TENM1: variants seen among roughly 807,000 people sequenced by gnomAD.
The protein encoded by TENM1 is teneurin-1.
A neutral mutation model predicts 174.8 loss-of-function variants in TENM1; 35 were observed. The observed-to-expected ratio is 0.20, with a 90% CI of 0.15 to 0.27. TENM1 has a LOEUF of 0.27. TENM1 is among the 10% of genes least tolerant of loss of function. The pLI, the probability that TENM1 is intolerant of heterozygous loss-of-function variation, is 1.00. For synonymous variants in TENM1, 781 were observed against 798.7 expected (o/e 0.98, Z 0.37); for missense variants, 1,633 against 2,130.1 (o/e 0.77, Z 4.59).
chrX:125,046,834 G>A, the TENM1 span, among the ~76,000 whole-genome samples: 8 of 99,647 alleles, frequency 8.0e-5, no homozygotes, highest in African/African-American at 3.3e-4. Context: ...GTGTGTGTGT[G>A]CATGTGTGTG....
chrX:124,785,427 ACT>A (rs751461240), intron 3 of TENM1, among the ~76,000 whole-genome samples: 13 of 111,740 alleles, frequency 1.2e-4, no homozygotes, highest in Non-Finnish European at 2.3e-4. Context: ...CCCATAATGG[ACT>A]ACTCAGAGTT....
chrX:124,526,377 T>G (rs2047976173), intron 16 of TENM1, among the ~76,000 whole-genome samples: 1 of 111,884 alleles, frequency 8.9e-6, no homozygotes, highest in African/African-American at 3.2e-5. Context: ...AATATCAATA[T>G]CTATATCTAT....
chrX:124,380,950 G>A (rs1340748292), exon 32 of TENM1: 13 of 1,211,476 alleles, frequency 1.1e-5, no homozygotes, highest in South Asian at 1.8e-5. Flanking sequence ...CAGTGTTACC[G>A]ATGAGCACCA....
At chrX:124,629,515 T>C (rs1426220138) in intron 11 of TENM1, among the ~76,000 whole-genome samples, 4 of 112,593 alleles carry the variant, frequency 3.6e-5, no homozygotes, top group Admixed American at 9.4e-5. Context: ...ATGCCAACAA[T>C]AGCTACAATC....
the TENM1 span, among the ~76,000 whole-genome samples, chrX:125,102,232 T>A: frequency 3.1e-5 from 2 of 64,446 alleles, no homozygotes; most frequent in Non-Finnish European, 5.1e-5. Context: ...GGGCCACTCC[T>A]TTTTTTTTTT....
chrX:124,625,909 G>A (rs924060717), intron 11 of TENM1, among the ~76,000 whole-genome samples: 1 of 110,991 alleles, frequency 9.0e-6, no homozygotes, highest in Non-Finnish European at 1.9e-5. Context: ...TGGTGGGGAC[G>A]CAGATCCAAC....
the TENM1 span, among the ~76,000 whole-genome samples, chrX:125,117,351 C>T: frequency 8.9e-6 from 1 of 112,334 alleles, no homozygotes; most frequent in Non-Finnish European, 1.9e-5. Context: ...CACATCTACA[C>T]CATGGAATAC....
chrX:124,850,820 A>C lies in TENM1; in HGVS notation c.535+43476T>G, dbSNP rs759949247. Among the ~76,000 whole-genome samples, 8 of 111,450 alleles carry C rather than the reference A, an allele frequency of 7.2e-5. No homozygotes were observed. In the South Asian group the frequency reaches 3.0e-3, roughly 42 times the overall value. On this transcript the variant is annotated intron_variant, in intron 3 of 31. Coordinates refer to ENST00000422452, the Ensembl canonical transcript of TENM1. ...GGATGAATGGATGTTAGGAAATATC[A>C]CTATCAATTGTGATGACTCTTCTAG...
At chrX:124,914,386 T>C (rs929409648) in intron 1 of TENM1, among the ~76,000 whole-genome samples, 4 of 111,482 alleles carry the variant, frequency 3.6e-5, no homozygotes, top group African/African-American at 1.3e-4. Flanking sequence ...AATGGGTCAG[T>C]GACTCTTGTG....
intron 5 of TENM1, among the ~76,000 whole-genome samples, chrX:124,690,186 G>A (rs1376173709): frequency 9.0e-6 from 1 of 110,771 alleles, no homozygotes; most frequent in Non-Finnish European, 1.9e-5. Flanking sequence ...CTCAAATTTG[G>A]CCAAGGGGAA....
At chrX:124,518,838 G>A (rs751850474) in intron 18 of TENM1, among the ~76,000 whole-genome samples, 1 of 111,922 alleles carries the variant, frequency 8.9e-6, no homozygotes, top group African/African-American at 3.3e-5. Flanking sequence ...ACACTCAATA[G>A]AATAGGGATT....
At chrX:124,973,541 G>C in the TENM1 span, among the ~76,000 whole-genome samples, 3 of 111,625 alleles carry the variant, frequency 2.7e-5, no homozygotes, top group Non-Finnish European at 3.8e-5. Context: ...CATGAGCATG[G>C]AATGTTTTTC....
At chrX:124,689,004 T>C (rs2052447973) in intron 5 of TENM1, among the ~76,000 whole-genome samples, 1 of 112,013 alleles carries the variant, frequency 8.9e-6, no homozygotes, top group Admixed American at 9.5e-5. Context: ...ATTGCGTACC[T>C]TAAATATACA....
chrX:125,028,870 C>T, the TENM1 span, among the ~76,000 whole-genome samples: 59 of 111,102 alleles, frequency 5.3e-4, no homozygotes, highest in Admixed American at 1.1e-3. Context: ...TTGTCTGTAA[C>T]GTTTTATTCT....
chrX:124,839,195 A>G (rs1448334828), intron 3 of TENM1, among the ~76,000 whole-genome samples: 1 of 112,103 alleles, frequency 8.9e-6, no homozygotes, highest in East Asian at 2.8e-4. Context: ...AAAACATGTA[A>G]AATATTTATG....
intron 11 of TENM1, among the ~76,000 whole-genome samples, chrX:124,627,068 C>G (rs1014769029): frequency 9.0e-6 from 1 of 111,559 alleles, no homozygotes; most frequent in Admixed American, 9.5e-5. Context: ...TGTTCCAGAG[C>G]TATGTTTGCA....
At chrX:124,677,972 G>A (rs1428726306) in intron 5 of TENM1, among the ~76,000 whole-genome samples, 1 of 111,666 alleles carries the variant, frequency 9.0e-6, no homozygotes, top group African/African-American at 3.2e-5. Context: ...TAACTTTTCT[G>A]TAAGTCTAAA....
chrX:125,034,368 G>A, the TENM1 span, among the ~76,000 whole-genome samples: 3 of 111,437 alleles, frequency 2.7e-5, no homozygotes, highest in Non-Finnish European at 5.7e-5. Flanking sequence ...TCCACTGCCC[G>A]ACAAATTCTT....
At chrX:124,523,718 T>TG in intron 16 of TENM1, 93 bp from the exon 20 acceptor site, 1 of 902,792 alleles carries the variant, frequency 1.1e-6, no homozygotes, top group Non-Finnish European at 1.5e-6. Flanking sequence ...CTTTCCTTTT[T>TG]GGGGGGACTC....
Sources: gnomAD v4.1 joint callset for allele counts (sites outside exome capture counted in the v4.1 genomes callset) on GRCh38, gnomAD v4.1.1 for gene constraint, MANE v1.5 for transcripts, NCBI Gene and HGNC (gene_info 2026-07-23, HGNC 2026-07-21) for gene names.